RALYL: variants seen among roughly 807,000 people sequenced by gnomAD.
RALYL encodes RNA-binding Raly-like protein.
Under a neutral mutation model 35.1 loss-of-function variants are expected in RALYL, and 29 were observed. The observed-to-expected ratio is 0.83, with a 90% confidence interval of 0.61 to 1.13. RALYL has a LOEUF of 1.13. Ranked by LOEUF, RALYL falls within the 50% of genes most tolerant of loss-of-function variation. The probability of loss-of-function intolerance (pLI) is 0.00; values close to 1 mark genes in which losing one functional copy is unlikely to be tolerated. For missense variants in RALYL, 359 were observed against 360.4 expected, an observed-to-expected ratio of 1.00 and a Z score of 0.03; for synonymous variants, 120 against 127.6, an observed-to-expected ratio of 0.94 and a Z score of 0.40.
chr8:84,219,778 G>T (rs1008634439), intron 1 of RALYL, among the ~76,000 whole-genome samples: 1 of 151,906 alleles, frequency 6.6e-6, no homozygotes, highest in Non-Finnish European at 1.5e-5. Context: ...AGGATAGTAG[G>T]ACCTATAAGG....
intron 4 of RALYL, among the ~76,000 whole-genome samples, chr8:84,811,048 G>A (rs138390778): frequency 0.011 from 1,718 of 151,930 alleles, 20 homozygotes; most frequent in Non-Finnish European, 0.014. Flanking sequence ...TGTTGCCTGC[G>A]TACCTTGGTT....
chr8:84,789,153 T>C (rs1405144927), intron 3 of RALYL, among the ~76,000 whole-genome samples: 1 of 152,132 alleles, frequency 6.6e-6, no homozygotes, highest in Middle Eastern at 3.2e-3. Flanking sequence ...ACTCAGAGAA[T>C]CTATCATCAA....
intron 1 of RALYL, among the ~76,000 whole-genome samples, chr8:84,357,585 C>A (rs1852099988): frequency 6.6e-6 from 1 of 151,692 alleles, no homozygotes; most frequent in Non-Finnish European, 1.5e-5. Context: ...AGTTTTTAAT[C>A]CGTCTTTTCA....
At chr8:84,270,839 G>T (rs1834172014) in intron 1 of RALYL, among the ~76,000 whole-genome samples, 1 of 151,982 alleles carries the variant, frequency 6.6e-6, no homozygotes, top group Non-Finnish European at 1.5e-5. Flanking sequence ...GTGAATAGAT[G>T]AACTTAGTGG....
chr8:84,211,945 G>A (rs914322663), intron 1 of RALYL, among the ~76,000 whole-genome samples: 2 of 152,038 alleles, frequency 1.3e-5, no homozygotes, highest in African/African-American at 4.8e-5. Flanking sequence ...GAATTGTATC[G>A]CCTTTAATAG....
intron 2 of RALYL, among the ~76,000 whole-genome samples, chr8:84,532,491 G>A (rs1355542730): frequency 1.3e-5 from 2 of 151,738 alleles, no homozygotes; most frequent in Non-Finnish European, 2.9e-5. Flanking sequence ...AACAAACCCC[G>A]GCCAGTTCTT....
chr8:84,267,906 T>C (rs1043706625), intron 1 of RALYL, among the ~76,000 whole-genome samples: 1 of 152,212 alleles, frequency 6.6e-6, no homozygotes, highest in African/African-American at 2.4e-5. Flanking sequence ...CCAAGAACTT[T>C]GACTATGCTA....
chr8:84,238,774 C>T (rs1450636580), intron 1 of RALYL, among the ~76,000 whole-genome samples: 4 of 152,120 alleles, frequency 2.6e-5, no homozygotes, highest in Non-Finnish European at 5.9e-5. Context: ...GTCAGCACAT[C>T]CATGTGGGCA....
chr8:84,245,565 T>C (rs968005688), intron 1 of RALYL, among the ~76,000 whole-genome samples: 2 of 152,178 alleles, frequency 1.3e-5, no homozygotes, highest in African/African-American at 4.8e-5. Flanking sequence ...AATCTTTACA[T>C]ACTCTATTGC....
intron 2 of RALYL, among the ~76,000 whole-genome samples, chr8:84,656,313 T>C (rs1410707203): frequency 6.6e-6 from 1 of 152,106 alleles, no homozygotes; most frequent in Non-Finnish European, 1.5e-5. Context: ...CAAGTATTGA[T>C]CAGCAACTCT....
At chr8:84,418,838 T>G (rs2045067187) in intron 1 of RALYL, among the ~76,000 whole-genome samples, 1 of 152,302 alleles carries the variant, frequency 6.6e-6, no homozygotes, top group Admixed American at 6.5e-5. Context: ...GCATCAGATG[T>G]TCTCCTTAAC....
chr8:84,229,991 A>G (rs977539025), intron 1 of RALYL, among the ~76,000 whole-genome samples: 1 of 152,212 alleles, frequency 6.6e-6, no homozygotes, highest in African/African-American at 2.4e-5. Context: ...ATATTTACAC[A>G]TAATTTTACT....
chr8:84,238,438 A>T (rs1827097661), intron 1 of RALYL, among the ~76,000 whole-genome samples: 1 of 152,118 alleles, frequency 6.6e-6, no homozygotes, highest in Non-Finnish European at 1.5e-5. Flanking sequence ...TATTTCCAGA[A>T]CATTTCATGA....
Position 84,340,229 on chromosome 8 carries a change from G to T in RALYL, c.-24+155805G>T, listed in dbSNP as rs149471476. Reference sequence around the variant, plus strand: ...ATTTCTTCATAGCAGTATGAAAATGGACTAATACATCAGGTCTTTGCTAGG... The same window carrying T: ...ATTTCTTCATAGCAGTATGAAAATGTACTAATACATCAGGTCTTTGCTAGG... On this transcript the variant is annotated intron_variant, in intron 1 of 8. Coordinates refer to ENST00000521268, the MANE Select transcript of RALYL (RefSeq NM_173848.7). Among the ~76,000 whole-genome samples the T allele has an allele frequency of 3.9e-3, 590 of 152,004 alleles. 13 individuals are homozygous for T. Among genetic ancestry groups the T allele is most frequent in the Middle Eastern group, 0.017 (5 of 294 alleles).
intron 2 of RALYL, among the ~76,000 whole-genome samples, chr8:84,538,187 T>C (rs952150306): frequency 6.6e-6 from 1 of 152,206 alleles, no homozygotes; most frequent in African/African-American, 2.4e-5. Context: ...GGGATTTGCT[T>C]TCTATTTCTA....
intron 1 of RALYL, among the ~76,000 whole-genome samples, chr8:84,340,425 C>T (rs866364759): frequency 6.6e-6 from 1 of 152,210 alleles, no homozygotes; most frequent in South Asian, 2.1e-4. Flanking sequence ...ATCCATTGAA[C>T]TGCAACTCCC....
At chr8:84,304,720 G>T (rs1484055929) in intron 1 of RALYL, among the ~76,000 whole-genome samples, 1 of 152,044 alleles carries the variant, frequency 6.6e-6, no homozygotes, top group African/African-American at 2.4e-5. Context: ...TTATTAGTTG[G>T]TTTGCTGTCA....
rs201580784 is a variant in RALYL at position 84,502,970 on chromosome 8, AG to A, written c.-23-26327del. On this transcript the variant is annotated intron_variant, in intron 1 of 8. Transcript: ENST00000521268. ...TAATTTGAAGAATAAACCCGAAAGA[AG>A]GTTTTGAAAGGAAAAATACTGGAGA... 5.1e-3 allele frequency among the ~76,000 whole-genome samples: 778 copies of A among 152,152 alleles called. 6 individuals are homozygous for A. The highest frequency in any genetic ancestry group is 0.017 in the African/African-American group (723 of 41,538).
intron 1 of RALYL, among the ~76,000 whole-genome samples, chr8:84,216,732 C>T (rs971141567): frequency 1.2e-4 from 19 of 152,102 alleles, no homozygotes; most frequent in African/African-American, 4.6e-4. Context: ...CTAATGATCA[C>T]TTGAAATGTG....
Sources: gnomAD v4.1 joint callset for allele counts (sites outside exome capture counted in the v4.1 genomes callset) on GRCh38, gnomAD v4.1.1 for gene constraint, MANE v1.5 for transcripts, NCBI Gene and HGNC (gene_info 2026-07-23, HGNC 2026-07-21) for gene names.